HAUS6: variants seen among roughly 807,000 people sequenced by gnomAD.
HAUS6 encodes the protein HAUS augmin-like complex subunit 6.
A neutral mutation model predicts 106.8 loss-of-function variants in HAUS6; 80 were observed. That is an observed-to-expected ratio of 0.75 (90% confidence interval 0.63 to 0.90). The LOEUF (loss-of-function observed/expected upper bound fraction) is 0.90. Ranked by LOEUF, HAUS6 falls within the 40% of genes least tolerant of loss-of-function variation. The pLI, the probability that HAUS6 is intolerant of heterozygous loss-of-function variation, is 0.00. For missense variants in HAUS6, 1,155 were observed against 1,118.1 expected (o/e 1.03, Z -0.47); for synonymous variants, 356 against 379.1 (o/e 0.94, Z 0.71).
chr9:19,087,471 T>C (rs1227460595), intron 5 of HAUS6, among the ~76,000 whole-genome samples: 1 of 152,216 alleles, frequency 6.6e-6, no homozygotes. Flanking sequence ...TCAGGCAACA[T>C]TTCAGTTAAT....
chr9:19,053,362 G>A lies in HAUS6; in HGVS notation c.*2981C>T, dbSNP rs1354425058. 6.6e-6 allele frequency: 1 copy of A among 152,126 alleles called. No homozygotes were observed. Among genetic ancestry groups the A allele is most frequent in the African/African-American group, 2.4e-5 (1 of 41,436 alleles). 9.4% of individuals were successfully genotyped at this position (152,126 alleles called of 1,614,324 possible). ...CGTCATTAAACGTATTTTAATTTTA[G>A]TACTCTCACAGTAGGAAGATAATAG... On this transcript the variant is annotated 3_prime_UTR_variant, in exon 17 of 17. Coordinates refer to ENST00000380502, the MANE Select transcript of HAUS6 (RefSeq NM_017645.5).
chr9:19,062,877 G>C (rs938979796), intron 14 of HAUS6, 131 bp downstream of exon 14: 1 of 712,222 alleles, frequency 1.4e-6, no homozygotes, highest in Non-Finnish European at 2.4e-6. Flanking sequence ...TGTTGCCCAT[G>C]CTGGTCTCGA....
At chr9:19,067,910 T>C (rs1836797778) in intron 12 of HAUS6, among the ~76,000 whole-genome samples, 1 of 151,926 alleles carries the variant, frequency 6.6e-6, no homozygotes, top group South Asian at 2.1e-4. Flanking sequence ...GTCAGGCTAG[T>C]CTCGAACTCC....
chr9:19,093,950 T>C (rs922339841), intron 3 of HAUS6, among the ~76,000 whole-genome samples: 32 of 152,254 alleles, frequency 2.1e-4, no homozygotes, highest in African/African-American at 7.0e-4. Flanking sequence ...TTTTGGTTTT[T>C]CTAAACTCTA....
intron 14 of HAUS6, 103 bp from the exon 15 acceptor site, chr9:19,060,326 C>G: frequency 1.2e-6 from 1 of 853,600 alleles, no homozygotes; most frequent in Non-Finnish European, 1.7e-6. Context: ...TCAGCAGCCC[C>G]TCCCATTGCA....
intron 14 of HAUS6, 73 bp from the exon 15 acceptor site, chr9:19,060,296 G>T: frequency 8.2e-7 from 1 of 1,213,048 alleles, no homozygotes; most frequent in Non-Finnish European, 1.1e-6. Flanking sequence ...CCCCTGATAA[G>T]GATAATAAGC....
intron 14 of HAUS6, among the ~76,000 whole-genome samples, chr9:19,061,685 C>T (rs1001133339): frequency 6.6e-6 from 1 of 152,112 alleles, no homozygotes; most frequent in Non-Finnish European, 1.5e-5. Context: ...AAATAAAAAA[C>T]TTAGCCAGGC....
intron 16 of HAUS6, chr9:19,056,691 C>A (rs567393849): frequency 1.1e-5 from 3 of 269,120 alleles, no homozygotes; most frequent in Admixed American, 9.8e-5. Flanking sequence ...GCCTCAAACT[C>A]CCAGGCCCAA....
intron 9 of HAUS6, among the ~76,000 whole-genome samples, chr9:19,078,701 T>C (rs1025088500): frequency 4.6e-5 from 7 of 151,650 alleles, no homozygotes; most frequent in Non-Finnish European, 1.0e-4. Context: ...GGTAGGAGAA[T>C]CGCTTGAACC....
intron 7 of HAUS6, among the ~76,000 whole-genome samples, chr9:19,085,472 T>C (rs1837267430): frequency 6.6e-6 from 1 of 152,074 alleles, no homozygotes; most frequent in Non-Finnish European, 1.5e-5. Context: ...AGATGATCAA[T>C]ACATTCACTG....
At chr9:19,068,875 G>C (rs2131112726) in intron 12 of HAUS6, among the ~76,000 whole-genome samples, 1 of 151,566 alleles carries the variant, frequency 6.6e-6, no homozygotes, top group East Asian at 1.9e-4. Flanking sequence ...TGGGATAATA[G>C]AGAAAAAAAA....
intron 4 of HAUS6, among the ~76,000 whole-genome samples, chr9:19,091,431 T>A (rs940930175): frequency 1.3e-5 from 2 of 152,212 alleles, no homozygotes; most frequent in African/African-American, 4.8e-5. Context: ...GGACAATCCA[T>A]GCTTAGAAGT....
intron 12 of HAUS6, chr9:19,063,920 A>C: frequency 2.7e-6 from 1 of 371,036 alleles, no homozygotes; most frequent in Non-Finnish European, 5.2e-6. Flanking sequence ...GCATTATTAC[A>C]ATGTCACAGG....
intron 9 of HAUS6, 130 bp downstream of exon 9, chr9:19,080,349 G>A (rs967764785): frequency 9.5e-6 from 6 of 630,642 alleles, no homozygotes; most frequent in African/African-American, 9.2e-5. Context: ...AGTTGATTAT[G>A]TAAGATTTTT....
At chr9:19,087,026 T>C in intron 6 of HAUS6, 65 bp downstream of exon 6, 2 of 792,598 alleles carry the variant, frequency 2.5e-6, no homozygotes, top group South Asian at 2.8e-5. Context: ...GTCTGTTTCC[T>C]AGCCTGTAAA....
chr9:19,064,663 G>A lies in HAUS6; in HGVS notation c.1377-1083C>T, dbSNP rs947616127. On this transcript the variant is annotated intron_variant, in intron 12 of 16. Coordinates refer to ENST00000380502, the MANE Select transcript of HAUS6 (RefSeq NM_017645.5). ...CTTTCCTTTCTTCTTATAACTAGAAGTACAAAATTAATAGCACTGCAAATA... is the reference window on the plus strand; with the variant it reads ...CTTTCCTTTCTTCTTATAACTAGAAATACAAAATTAATAGCACTGCAAATA... Among the ~76,000 whole-genome samples the A allele has an allele frequency of 3.9e-5, 6 of 152,228 alleles. 1 individual carries two copies. Among genetic ancestry groups the A allele is most frequent in the East Asian group, 1.9e-4 (1 of 5,180 alleles).
chr9:19,078,845 TAAA>T (rs34221496), intron 9 of HAUS6, among the ~76,000 whole-genome samples: 9 of 134,824 alleles, frequency 6.7e-5, no homozygotes, highest in Non-Finnish European at 8.0e-5. Flanking sequence ...AAAATTAGTT[TAAA>T]AAAAAAAAAA....
At chr9:19,061,091 G>C (rs1203607981) in intron 14 of HAUS6, among the ~76,000 whole-genome samples, 10 of 152,374 alleles carry the variant, frequency 6.6e-5, no homozygotes, top group Non-Finnish European at 1.5e-5. Context: ...TTGAACCCGG[G>C]AGGCGGAGGC....
At chr9:19,059,898 T>C (rs944225950) in intron 15 of HAUS6, 190 bp downstream of exon 15, 10 of 459,728 alleles carry the variant, frequency 2.2e-5, no homozygotes, top group Non-Finnish European at 3.1e-5. Context: ...TCTCTGTATA[T>C]TGAGTACACT....
Sources: gnomAD v4.1 joint callset for allele counts (sites outside exome capture counted in the v4.1 genomes callset) on GRCh38, gnomAD v4.1.1 for gene constraint, MANE v1.5 for transcripts, NCBI Gene and HGNC (gene_info 2026-07-23, HGNC 2026-07-21) for gene names.